The following TNR variants were observed in gnomAD, a reference collection of about 807,000 sequenced individuals.
TNR encodes the protein tenascin R.
A neutral mutation model predicts 150.4 loss-of-function variants in TNR; 45 were observed. The observed-to-expected ratio is 0.30, with a 90% CI of 0.24 to 0.38. The LOEUF is 0.38. Among genes scored for constraint, TNR ranks in the 10% least tolerant of loss-of-function variants. TNR has a pLI of 1.00. For missense variants in TNR, 1,544 were observed against 1,759.1 expected (o/e 0.88, Z 2.19); for synonymous variants, 687 against 678.4 (o/e 1.01, Z -0.20).
intron 1 of TNR, among the ~76,000 whole-genome samples, chr1:175,571,852 G>C (rs1661884961): frequency 6.6e-6 from 1 of 152,212 alleles, no homozygotes; most frequent in African/African-American, 2.4e-5. Flanking sequence ...AGGCAGAGTA[G>C]GGACTGTCAA....
At chr1:175,474,734 A>G (rs750089631) in intron 2 of TNR, among the ~76,000 whole-genome samples, 9 of 152,200 alleles carry the variant, frequency 5.9e-5, no homozygotes, top group Non-Finnish European at 1.0e-4. Flanking sequence ...GGTAAGAGGG[A>G]ACATGCTGCA....
intron 9 of TNR, among the ~76,000 whole-genome samples, chr1:175,370,812 T>G (rs1000993116): frequency 6.6e-6 from 1 of 152,232 alleles, no homozygotes; most frequent in Admixed American, 6.5e-5. Context: ...ATCTAACATG[T>G]AACATTTTCA....
intron 11 of TNR, among the ~76,000 whole-genome samples, 189 bp downstream of exon 11, chr1:175,365,686 T>A (rs1651804319): frequency 6.6e-6 from 1 of 152,198 alleles, no homozygotes; most frequent in Non-Finnish European, 1.5e-5. Context: ...ACACTATTGC[T>A]CACCTCCCCT....
chr1:175,686,436 C>A (rs891913860), intron 1 of TNR, among the ~76,000 whole-genome samples: 3 of 152,154 alleles, frequency 2.0e-5, no homozygotes, highest in African/African-American at 7.2e-5. Flanking sequence ...GAGTTCCTGG[C>A]CAGTCTTAGT....
intron 1 of TNR, among the ~76,000 whole-genome samples, chr1:175,619,415 A>G (rs185321925): frequency 2.6e-5 from 4 of 152,332 alleles, no homozygotes; most frequent in East Asian, 3.9e-4. Flanking sequence ...AACCATTTCA[A>G]TGCAGAATGA....
chr1:175,429,281 A>T (rs1249366338), intron 2 of TNR, among the ~76,000 whole-genome samples: 1 of 152,230 alleles, frequency 6.6e-6, no homozygotes, highest in Non-Finnish European at 1.5e-5. Flanking sequence ...ATAGATGTAT[A>T]TGTAAATATA....
chr1:175,374,885 C>T (rs768738072), intron 9 of TNR, among the ~76,000 whole-genome samples: 5 of 152,208 alleles, frequency 3.3e-5, no homozygotes, highest in Admixed American at 3.3e-4. Flanking sequence ...CATGAGAATC[C>T]TTACGGATCC....
At chr1:175,712,215 T>A (rs542018761) in intron 1 of TNR, among the ~76,000 whole-genome samples, 1 of 152,274 alleles carries the variant, frequency 6.6e-6, no homozygotes, top group East Asian at 1.9e-4. Context: ...AGATGAGGCA[T>A]CTTAGGCTTT....
chr1:175,391,899 A>G (rs906522636), intron 6 of TNR, among the ~76,000 whole-genome samples: 3 of 152,244 alleles, frequency 2.0e-5, no homozygotes, highest in African/African-American at 7.2e-5. Flanking sequence ...AACACATTTC[A>G]AACTAAGACA....
chr1:175,694,010 A>G (rs1468178566), intron 1 of TNR, among the ~76,000 whole-genome samples: 2 of 152,194 alleles, frequency 1.3e-5, no homozygotes, highest in South Asian at 2.1e-4. Context: ...CACTGTTTGT[A>G]TATGCCAGAG....
intron 12 of TNR, 89 bp downstream of exon 12, chr1:175,364,921 G>A (rs1651761417): frequency 1.4e-6 from 2 of 1,466,660 alleles, no homozygotes; most frequent in Non-Finnish European, 9.1e-7. Context: ...CCTACTCCTT[G>A]GGTCTTTCTC....
intron 2 of TNR, among the ~76,000 whole-genome samples, chr1:175,433,470 A>G (rs375152992): frequency 1.5e-4 from 23 of 152,228 alleles, no homozygotes; most frequent in Admixed American, 7.2e-4. Flanking sequence ...CAGAAACAAC[A>G]TGGGACTTTG....
At chr1:175,491,464 TTACC>T (rs71565440) in intron 2 of TNR, among the ~76,000 whole-genome samples, 16,075 of 152,144 alleles carry the variant, frequency 0.11, 1,081 homozygotes, top group Non-Finnish European at 0.16. Context: ...CCTGACTTCT[TTACC>T]TGCTTACAGG....
At chr1:175,503,933 T>C (rs891193353) in intron 2 of TNR, among the ~76,000 whole-genome samples, 6 of 151,966 alleles carry the variant, frequency 3.9e-5, no homozygotes, top group African/African-American at 1.5e-4. Flanking sequence ...CTCTTCTGGG[T>C]GGGATGTTGG....
At chr1:175,395,916 A>G (rs1653405584) in intron 5 of TNR, among the ~76,000 whole-genome samples, 1 of 152,186 alleles carries the variant, frequency 6.6e-6, no homozygotes, top group Admixed American at 6.5e-5. Context: ...TTTCTTATGG[A>G]GAGCAGTTTA....
intron 1 of TNR, among the ~76,000 whole-genome samples, chr1:175,593,089 C>T (rs1426960511): frequency 6.6e-6 from 1 of 152,112 alleles, no homozygotes; most frequent in East Asian, 1.9e-4. Context: ...GAATCTCTTC[C>T]AAAGAGAATC....
chr1:175,368,402 C>T (rs1487072280), intron 9 of TNR, among the ~76,000 whole-genome samples: 3 of 152,202 alleles, frequency 2.0e-5, no homozygotes, highest in African/African-American at 4.8e-5. Flanking sequence ...GACTTCTGCT[C>T]CTATCATTGC....
chr1:175,448,752 A>T (rs540393979), intron 2 of TNR, among the ~76,000 whole-genome samples: 2 of 152,214 alleles, frequency 1.3e-5, no homozygotes, highest in Non-Finnish European at 2.9e-5. Context: ...TTTCGTGACC[A>T]CTAGAAGTCC....
intron 1 of TNR, among the ~76,000 whole-genome samples, chr1:175,563,308 A>G (rs749407240): frequency 6.6e-6 from 1 of 152,250 alleles, no homozygotes; most frequent in Non-Finnish European, 1.5e-5. Flanking sequence ...AAAAGTTTTC[A>G]AAGCAGTCAA....
Sources: allele counts gnomAD v4.1 joint callset (sites outside exome capture counted in the v4.1 genomes callset), GRCh38; gene constraint gnomAD v4.1.1; transcripts MANE v1.5; gene names NCBI Gene and HGNC (gene_info 2026-07-23, HGNC 2026-07-21).